DGKG: variants seen among roughly 807,000 people sequenced by gnomAD.
DGKG encodes the protein diacylglycerol kinase gamma, also known as DAG kinase gamma.
A neutral mutation model predicts 105.3 loss-of-function variants in DGKG; 78 were observed. The observed-to-expected ratio is 0.74, with a 90% CI of 0.62 to 0.89. The LOEUF (loss-of-function observed/expected upper bound fraction) is 0.89, where lower values mean the gene tolerates loss of function less well. Ranked by LOEUF, DGKG falls within the 40% of genes least tolerant of loss-of-function variation. DGKG has a pLI of 0.00. For missense variants in DGKG, 958 were observed against 1,020.1 expected (o/e 0.94, Z 0.83); for synonymous variants, 346 against 367.1 (o/e 0.94, Z 0.66).
chr3:186,183,093 C>G (rs561134859), intron 22 of DGKG, among the ~76,000 whole-genome samples: 6 of 152,284 alleles, frequency 3.9e-5, no homozygotes, highest in African/African-American at 1.4e-4. Flanking sequence ...GTTGTGGAGC[C>G]TTTCCTCGGA....
chr3:186,169,281 TA>T (rs1159800436), intron 22 of DGKG, among the ~76,000 whole-genome samples: 1 of 152,222 alleles, frequency 6.6e-6, no homozygotes, highest in African/African-American at 2.4e-5. Context: ...CTCAACTAGG[TA>T]AGAATATGCA....
intron 2 of DGKG, among the ~76,000 whole-genome samples, chr3:186,313,866 T>C (rs1367005305): frequency 6.6e-6 from 1 of 152,136 alleles, no homozygotes; most frequent in Non-Finnish European, 1.5e-5. Context: ...CAACTAGATA[T>C]GACCCTTCAT....
rs776994759 is a variant in DGKG at position 186,242,557 on chromosome 3, A to G, written c.1773T>C (p.Ile591=). 4 of 1,613,706 alleles carry G rather than the reference A, an allele frequency of 2.5e-6. No individual in the cohort carries two copies. The highest frequency in any genetic ancestry group is 3.4e-6 in the Non-Finnish European group (4 of 1,179,684). ...CTCTCATCACATGGAATCTGTGTGCAATGGAAGCGTCCTGAAAGTGAAAGA... is the reference window on the plus strand; with the variant it reads ...CTCTCATCACATGGAATCTGTGTGCGATGGAAGCGTCCTGAAAGTGAAAGA... The part of the protein sequence containing the change: ...NYFSIGVDAS[I]AHRFHVMREK... Residue 591 remains isoleucine, a synonymous_variant, in exon 20 of 25, where the codon ATT becomes ATC. Transcript: ENST00000265022.
In DGKG at chr3:186,358,314, C is replaced by A. The variant is rs77260849; in HGVS notation, c.-249+3632G>T. Among the ~76,000 whole-genome samples the A allele has an allele frequency of 3.3e-3, 506 of 152,362 alleles. 2 individuals are homozygous for A. The highest frequency in any genetic ancestry group is 0.011 in the African/African-American group (478 of 41,584). ...CAGGTGCTGTGGATTCAGGACATCT[C>A]TAGGGTGGGCTTCCCTGAAGGATGT... On this transcript the variant is annotated intron_variant, in intron 1 of 24. Transcript: ENST00000265022.
In DGKG at chr3:186,251,935, C is replaced by G. The variant is rs1721247499; in HGVS notation, c.1601-16G>C. The G allele has an allele frequency of 1.3e-6, 2 of 1,532,756 alleles. No homozygotes were observed. The highest frequency in any genetic ancestry group is 1.8e-6 in the Non-Finnish European group (2 of 1,138,764). 94.9% of individuals were successfully genotyped at this position (1,532,756 alleles called of 1,614,324 possible). On this transcript the variant is annotated splice_polypyrimidine_tract_variant and intron_variant, in intron 18 of 24. Coordinates refer to ENST00000265022, the MANE Select transcript of DGKG (RefSeq NM_001346.3). ...CCTTCATAACCTGTGGAGGACAGCACTGCATTTGCCACCACAGCAGAAAGG... is the reference window on the plus strand; with the variant it reads ...CCTTCATAACCTGTGGAGGACAGCAGTGCATTTGCCACCACAGCAGAAAGG...
intron 12 of DGKG, 136 bp from the exon 13 acceptor site, chr3:186,267,913 T>G: frequency 1.3e-6 from 1 of 746,676 alleles, no homozygotes; most frequent in Non-Finnish European, 2.3e-6. Flanking sequence ...TTTGACAGTA[T>G]TGCCGTGTGT....
At chr3:186,303,807 C>T (rs1724090982) in intron 3 of DGKG, among the ~76,000 whole-genome samples, 1 of 152,214 alleles carries the variant, frequency 6.6e-6, no homozygotes, top group African/African-American at 2.4e-5. Flanking sequence ...CTCTGCCACT[C>T]TGCAAAGTTT....
chr3:186,348,054 C>T (rs1209776232), intron 1 of DGKG, among the ~76,000 whole-genome samples: 1 of 152,180 alleles, frequency 6.6e-6, no homozygotes, highest in Non-Finnish European at 1.5e-5. Flanking sequence ...TTTCCCACAG[C>T]ACAAAATGAG....
rs1436047815 is a variant in DGKG at position 186,210,144 on chromosome 3, C to G, written c.1917+1651G>C. On this transcript the variant is annotated intron_variant, in intron 21 of 24. Coordinates refer to ENST00000265022, the MANE Select transcript of DGKG (RefSeq NM_001346.3). The surrounding 1 kb of genome is among the most constrained non-coding windows in gnomAD (Gnocchi z 5.2). ...GGAGGGCAGGCCAGAGGCAGGGGAG[C>G]TGAGTTGCTGTATTCTGGGCACAAT... 6.6e-6 allele frequency among the ~76,000 whole-genome samples: 1 copy of G among 152,196 alleles called. No individual in the cohort carries two copies. The highest frequency in any genetic ancestry group is 6.5e-5 in the Admixed American group (1 of 15,276).
chr3:186,347,396 C>A (rs1490498352), intron 1 of DGKG, among the ~76,000 whole-genome samples: 4 of 139,496 alleles, frequency 2.9e-5, no homozygotes, highest in Non-Finnish European at 6.0e-5. Context: ...TGCAGTGAGC[C>A]GAGACCACAG....
rs35971921 is a variant in DGKG at position 186,324,516 on chromosome 3, G to GA, written c.-248-3810dup. On this transcript the variant is annotated intron_variant, in intron 1 of 24. Coordinates refer to ENST00000265022, the MANE Select transcript of DGKG (RefSeq NM_001346.3). ...AGCAATGTGGCTTAAACGATCAGCT[G>GA]AAAAAAAAAAAAAACCCAAAATAAC... Among the ~76,000 whole-genome samples the GA allele has an allele frequency of 2.3e-3, 311 of 134,218 alleles. 1 individual carries two copies. The highest frequency in any genetic ancestry group is 9.5e-3 in the Admixed American group (122 of 12,848). The allele number at this position is 134,218 out of a possible 152,430, so 88.1% of individuals were successfully genotyped here.
At chr3:186,171,423 G>A (rs1385596877) in intron 22 of DGKG, among the ~76,000 whole-genome samples, 1 of 152,164 alleles carries the variant, frequency 6.6e-6, no homozygotes, top group Non-Finnish European at 1.5e-5. Context: ...TAGGACCCCT[G>A]CAAATACCAA....
chr3:186,271,698 T>C (rs1722324512), intron 11 of DGKG, among the ~76,000 whole-genome samples: 1 of 152,240 alleles, frequency 6.6e-6, no homozygotes, highest in Non-Finnish European at 1.5e-5. Context: ...CACCACTTTC[T>C]GAGTGCATCT....
intron 2 of DGKG, among the ~76,000 whole-genome samples, chr3:186,317,360 G>A (rs560782200): frequency 4.9e-4 from 74 of 152,048 alleles, no homozygotes; most frequent in Non-Finnish European, 8.4e-4. Flanking sequence ...CCATCTCCTC[G>A]CATGATTCCC....
At chr3:186,299,229 C>G (rs1723748430) in intron 3 of DGKG, among the ~76,000 whole-genome samples, 1 of 152,194 alleles carries the variant, frequency 6.6e-6, no homozygotes, top group Non-Finnish European at 1.5e-5. Flanking sequence ...TGAATAATAG[C>G]AGCCATGAGA....
intron 1 of DGKG, among the ~76,000 whole-genome samples, chr3:186,329,185 A>G (rs1281666491): frequency 1.3e-5 from 2 of 152,194 alleles, no homozygotes; most frequent in African/African-American, 4.8e-5. Flanking sequence ...ATATTGTCTG[A>G]CTTGGGTAGG....
chr3:186,302,540 A>ATATATATATATATATACACATATG (rs1724018168), intron 3 of DGKG, among the ~76,000 whole-genome samples: 1 of 27,486 alleles, frequency 3.6e-5, no homozygotes, highest in Admixed American at 3.2e-4. Context: ...ATACATATGT[A>ATATATATATATATATACACATATG]TATATATATA....
rs112640552 is a variant in DGKG at position 186,157,759 on chromosome 3, A to G, written c.2277+3844T>C. Among the ~76,000 whole-genome samples, 327 of 152,220 alleles carry G rather than the reference A, an allele frequency of 2.1e-3. 4 individuals carry two copies. Among genetic ancestry groups the G allele is most frequent in the African/African-American group, 7.6e-3 (315 of 41,548 alleles). On this transcript the variant is annotated intron_variant, in intron 24 of 24. Coordinates refer to ENST00000265022, the MANE Select transcript of DGKG (RefSeq NM_001346.3). ...CACTCCATCGCCCAGGCTGGAGTGCAGTAGTGTGATCTTGGCTCACTGCAA... is the reference window on the plus strand; with the variant it reads ...CACTCCATCGCCCAGGCTGGAGTGCGGTAGTGTGATCTTGGCTCACTGCAA...
chr3:186,260,571 G>A (rs1193927447), intron 15 of DGKG, 58 bp from the exon 16 acceptor site: 9 of 1,343,076 alleles, frequency 6.7e-6, no homozygotes, highest in Non-Finnish European at 8.5e-6. Flanking sequence ...ATATGTCATC[G>A]TGAGAAGTCA....
Sources: gnomAD v4.1 joint callset for allele counts (sites outside exome capture counted in the v4.1 genomes callset) on GRCh38, gnomAD v4.1.1 for gene constraint, Gnocchi (gnomAD v3.1) non-coding constraint, MANE v1.5 for transcripts, NCBI Gene and HGNC (gene_info 2026-07-23, HGNC 2026-07-21) for gene names.